Variants in ZDHHC17 observed in about 807,000 individuals in gnomAD.
ZDHHC17 encodes zDHHC palmitoyltransferase 17.
Under a neutral mutation model 90.3 loss-of-function variants are expected in ZDHHC17, and 40 were observed. The ratio of observed to expected loss-of-function variants is 0.44; its 90% CI spans 0.34 to 0.58. The LOEUF (loss-of-function observed/expected upper bound fraction) is 0.58. ZDHHC17 is among the 20% of genes least tolerant of loss of function. The probability of loss-of-function intolerance (pLI) is 0.01; values close to 1 mark genes in which losing one functional copy is unlikely to be tolerated. For synonymous variants in ZDHHC17, 235 were observed against 252.4 expected (o/e 0.93, Z 0.65); for missense variants, 614 against 780.8 (o/e 0.79, Z 2.55).
chr12:76,834,492 C>T (rs1953341104), intron 10 of ZDHHC17, among the ~76,000 whole-genome samples: 1 of 152,190 alleles, frequency 6.6e-6, no homozygotes, highest in African/African-American at 2.4e-5. Context: ...TGCATTCCCT[C>T]TTAAGCATTT....
intron 1 of ZDHHC17, among the ~76,000 whole-genome samples, chr12:76,777,561 A>G (rs1366608887): frequency 6.6e-6 from 1 of 152,216 alleles, no homozygotes; most frequent in Non-Finnish European, 1.5e-5. Context: ...ACTGGGTCAT[A>G]TGGTAGTTGC....
chr12:76,832,383 A>G (rs1310361936), intron 10 of ZDHHC17, among the ~76,000 whole-genome samples: 2 of 152,220 alleles, frequency 1.3e-5, no homozygotes, highest in Non-Finnish European at 1.5e-5. Context: ...ACTAGTTTTG[A>G]AAACTAGAAT....
intron 1 of ZDHHC17, among the ~76,000 whole-genome samples, chr12:76,785,202 A>G (rs994573607): frequency 3.9e-5 from 6 of 152,130 alleles, no homozygotes; most frequent in Non-Finnish European, 8.8e-5. Context: ...TCAGGTAATA[A>G]TATGAAAAAT....
intron 10 of ZDHHC17, 114 bp from the exon 11 acceptor site, chr12:76,841,868 A>T: frequency 1.4e-6 from 1 of 739,960 alleles, no homozygotes; most frequent in East Asian, 3.5e-5. Flanking sequence ...ATAATGCAGA[A>T]CAGTTTGTAT....
chr12:76,836,902 C>T (rs561771491), intron 10 of ZDHHC17, among the ~76,000 whole-genome samples: 2 of 152,208 alleles, frequency 1.3e-5, no homozygotes, highest in Admixed American at 6.5e-5. Flanking sequence ...TATGTAGTGA[C>T]TCATGGTAAA....
At position 76,786,446 on chromosome 12, in the gene ZDHHC17, G is replaced by C. The variant is rs959212868; in HGVS notation, c.94-10988G>C. ...TAATTTTTGTATTTTAGTAGAGATG[G>C]GGTTTTACCATGTTGGTCACACTGG... is the stretch of plus-strand genomic sequence containing the variant. On this transcript the variant is annotated intron_variant, in intron 1 of 16. Coordinates refer to ENST00000426126, the MANE Select transcript of ZDHHC17 (RefSeq NM_015336.4). Among the ~76,000 whole-genome samples the C allele has an allele frequency of 6.6e-5, 10 of 152,024 alleles. No individual in the cohort carries two copies. In the East Asian group the frequency reaches 1.7e-3, roughly 26 times the overall value.
At chr12:76,808,100 C>T (rs901708911) in intron 3 of ZDHHC17, among the ~76,000 whole-genome samples, 3 of 152,146 alleles carry the variant, frequency 2.0e-5, no homozygotes, top group African/African-American at 7.2e-5. Flanking sequence ...TTTGCAGCCA[C>T]AAATTTCTGA....
chr12:76,843,567 A>G (rs1953461002), intron 12 of ZDHHC17, among the ~76,000 whole-genome samples: 1 of 152,096 alleles, frequency 6.6e-6, no homozygotes, highest in African/African-American at 2.4e-5. Flanking sequence ...AGAGTCAGGT[A>G]TAGCACTATT....
At chr12:76,778,169 G>C (rs1952580416) in intron 1 of ZDHHC17, among the ~76,000 whole-genome samples, 1 of 152,120 alleles carries the variant, frequency 6.6e-6, no homozygotes. Flanking sequence ...GTGAGATGAA[G>C]AAGTCTATAT....
At chr12:76,824,081 TA>T (rs1223493383) in intron 8 of ZDHHC17, among the ~76,000 whole-genome samples, 1 of 149,656 alleles carries the variant, frequency 6.7e-6, no homozygotes, top group African/African-American at 2.5e-5. Context: ...AGTTTTATTT[TA>T]TATATGTATA....
chr12:76,774,198 C>T (rs145848593), intron 1 of ZDHHC17, among the ~76,000 whole-genome samples: 54 of 151,934 alleles, frequency 3.6e-4, no homozygotes, highest in East Asian at 7.8e-4. Flanking sequence ...TGCAGTGAGC[C>T]GAGATCATGC....
intron 1 of ZDHHC17, among the ~76,000 whole-genome samples, chr12:76,785,400 G>A (rs910478235): frequency 5.9e-5 from 9 of 152,080 alleles, no homozygotes; most frequent in Non-Finnish European, 8.8e-5. Flanking sequence ...GTCACCTTAC[G>A]ATGGGACCAC....
intron 2 of ZDHHC17, among the ~76,000 whole-genome samples, chr12:76,800,414 C>A (rs1952871660): frequency 6.6e-6 from 1 of 152,226 alleles, no homozygotes; most frequent in Non-Finnish European, 1.5e-5. Context: ...CTAGTTCTTG[C>A]ATCCATTATT....
At position 76,787,881 on chromosome 12, in the gene ZDHHC17, G is replaced by A. The variant is rs117971636; in HGVS notation, c.94-9553G>A. Among the ~76,000 whole-genome samples the A allele has an allele frequency of 5.9e-5, 9 of 152,216 alleles. No homozygotes were observed. The East Asian group carries it at 9.7e-4, about 16-fold the overall frequency. ...ACAACTCTCAGAATCATATTAGTCC[G>A]GATAAGCTATGTTTTGCTGCAGTAA... On this transcript the variant is annotated intron_variant, in intron 1 of 16. Transcript: ENST00000426126.
chr12:76,846,471 A>G (rs1953496235), intron 13 of ZDHHC17, 125 bp from the exon 14 acceptor site: 2 of 646,516 alleles, frequency 3.1e-6, no homozygotes, highest in Non-Finnish European at 5.2e-6. Flanking sequence ...CACTTTATAA[A>G]ATAATGAATG....
At chr12:76,831,588 G>C (rs909668972) in intron 10 of ZDHHC17, among the ~76,000 whole-genome samples, 4 of 152,172 alleles carry the variant, frequency 2.6e-5, no homozygotes, top group Admixed American at 1.3e-4. Context: ...CTGACCTGGT[G>C]ATCCGCCCGC....
Position 76,851,131 on chromosome 12 carries a change from C to T in ZDHHC17, c.*146C>T. 1 of 924,952 alleles carries T rather than the reference C, an allele frequency of 1.1e-6. No homozygotes were observed. Among genetic ancestry groups the T allele is most frequent in the South Asian group, 1.8e-5 (1 of 55,730 alleles). 57.3% of individuals were successfully genotyped at this position (924,952 alleles called of 1,614,324 possible). A position where few individuals can be genotyped will look rare whatever the true frequency, so the allele number is the denominator to read the frequency against. On this transcript the variant is annotated 3_prime_UTR_variant, in exon 17 of 17. Coordinates refer to ENST00000426126, the MANE Select transcript of ZDHHC17 (RefSeq NM_015336.4). ...GTGAATTTTACAGTCTTTTTTTCAA[C>T]ACTTTTATTAACAAAAGTAAACATG...
At chr12:76,792,317 C>T (rs1952767880) in intron 1 of ZDHHC17, among the ~76,000 whole-genome samples, 1 of 152,180 alleles carries the variant, frequency 6.6e-6, no homozygotes, top group Non-Finnish European at 1.5e-5. Flanking sequence ...ACGGATTACA[C>T]TTATACCACA....
intron 2 of ZDHHC17, among the ~76,000 whole-genome samples, chr12:76,804,747 C>T (rs1952935335): frequency 6.6e-6 from 1 of 152,186 alleles, no homozygotes; most frequent in African/African-American, 2.4e-5. Context: ...GACTTGTGTG[C>T]TAGGAGATAA....
Sources: gnomAD v4.1 joint callset for allele counts (sites outside exome capture counted in the v4.1 genomes callset) on GRCh38, gnomAD v4.1.1 for gene constraint, MANE v1.5 for transcripts, NCBI Gene and HGNC (gene_info 2026-07-23, HGNC 2026-07-21) for gene names.